Variants in SH3PXD2B observed in about 807,000 individuals in gnomAD.
SH3PXD2B encodes SH3 and PX domains 2B, also known as SH3 and PX domain-containing protein 2B.
A neutral mutation model predicts 73.1 loss-of-function variants in SH3PXD2B; 37 were observed. That is an observed-to-expected ratio of 0.51 (90% CI 0.39 to 0.67). The LOEUF (loss-of-function observed/expected upper bound fraction) is 0.67, where lower values mean the gene tolerates loss of function less well. SH3PXD2B is among the 30% of genes least tolerant of loss of function. The pLI is 0.00. For missense variants in SH3PXD2B, 1,053 were observed against 1,197.8 expected (o/e 0.88, Z 1.78); for synonymous variants, 457 against 480.5 (o/e 0.95, Z 0.64).
intron 12 of SH3PXD2B, among the ~76,000 whole-genome samples, chr5:172,325,648 A>G (rs1018948885): frequency 3.9e-5 from 6 of 152,074 alleles, no homozygotes; most frequent in African/African-American, 1.4e-4. Flanking sequence ...CTGGCAGGGC[A>G]GAAGAGCAGC....
intron 3 of SH3PXD2B, among the ~76,000 whole-genome samples, chr5:172,402,648 T>C (rs952269455): frequency 2.6e-5 from 4 of 152,098 alleles, no homozygotes; most frequent in Non-Finnish European, 5.9e-5. Context: ...AGGACCCACA[T>C]TGAATTATCG....
Position 172,396,188 on chromosome 5 carries a change from A to G in SH3PXD2B, c.233-1549T>C, listed in dbSNP as rs560326176. 5.1e-5 allele frequency among the ~76,000 whole-genome samples: 6 copies of G among 116,614 alleles called. No homozygotes were observed. In the East Asian group the frequency reaches 1.6e-3, roughly 30 times the overall value. 76.5% of individuals were successfully genotyped at this position (116,614 alleles called of 152,430 possible). On this transcript the variant is annotated intron_variant, in intron 3 of 12. Transcript: ENST00000311601. ...GCCAACATGGCAAAACTCTGTCTCT[A>G]CTAAAAATACAAAAAAAAAAAAAAA...
In SH3PXD2B at chr5:172,445,490, G is replaced by T. The variant is rs554572209; in HGVS notation, c.75+8788C>A. Reference sequence around the variant, plus strand: ...CTCCCAAGATGCTGGGATTACAGGCGTGAACTCCCATGCCCAGCCCTTATA... The same window carrying T: ...CTCCCAAGATGCTGGGATTACAGGCTTGAACTCCCATGCCCAGCCCTTATA... On this transcript the variant is annotated intron_variant, in intron 1 of 12. Transcript: ENST00000311601. This position sits in a 1 kb window ranked among gnomAD's most constrained non-coding sequence, Gnocchi z 5.2. Among the ~76,000 whole-genome samples the T allele has an allele frequency of 6.6e-6, 1 of 152,168 alleles. No individual in the cohort carries two copies. The highest frequency in any genetic ancestry group is 2.4e-5 in the African/African-American group (1 of 41,434).
intron 1 of SH3PXD2B, among the ~76,000 whole-genome samples, chr5:172,442,892 G>A (rs1009467613): frequency 5.3e-5 from 8 of 152,156 alleles, no homozygotes; most frequent in African/African-American, 1.7e-4. Flanking sequence ...ACATGGCAGA[G>A]CCAGGTCCAG....
intron 2 of SH3PXD2B, among the ~76,000 whole-genome samples, chr5:172,419,933 ACACT>A (rs1354964874): frequency 6.6e-6 from 1 of 152,190 alleles, no homozygotes; most frequent in Non-Finnish European, 1.5e-5. Context: ...TGTTTACCTA[ACACT>A]CACTCTTTGA....
chr5:172,453,972 G>A (rs1173107982), intron 1 of SH3PXD2B, among the ~76,000 whole-genome samples: 2 of 152,120 alleles, frequency 1.3e-5, no homozygotes, highest in African/African-American at 2.4e-5. Context: ...TTCCACAGAT[G>A]AGCAGGACGG....
intron 5 of SH3PXD2B, 124 bp downstream of exon 5, chr5:172,381,908 TGCGG>T: frequency 1.5e-6 from 1 of 664,108 alleles, no homozygotes. Context: ...CTAAGTGAAG[TGCGG>T]TCTCACAGGG....
chr5:172,440,988 C>T (rs962510551), intron 1 of SH3PXD2B, among the ~76,000 whole-genome samples: 1 of 152,168 alleles, frequency 6.6e-6, no homozygotes, highest in African/African-American at 2.4e-5. Flanking sequence ...TAACCCCCTT[C>T]CACGTAAGCA....
At chr5:172,377,725 T>C (rs1757847944) in intron 5 of SH3PXD2B, among the ~76,000 whole-genome samples, 1 of 152,192 alleles carries the variant, frequency 6.6e-6, no homozygotes, top group Admixed American at 6.5e-5. Context: ...CAGATACATA[T>C]ACTCCAGCAT....
intron 5 of SH3PXD2B, among the ~76,000 whole-genome samples, chr5:172,380,968 T>G (rs1031887104): frequency 6.6e-6 from 1 of 152,220 alleles, no homozygotes; most frequent in Non-Finnish European, 1.5e-5. Context: ...GAGGTCGCTG[T>G]GTGTGTGTAT....
At chr5:172,371,439 A>C (rs1170803550) in intron 6 of SH3PXD2B, among the ~76,000 whole-genome samples, 2 of 152,224 alleles carry the variant, frequency 1.3e-5, no homozygotes, top group Non-Finnish European at 2.9e-5. Context: ...GCCTTCTCCA[A>C]AGCAGAGTTT....
chr5:172,340,312 CAG>C (rs1756823233), intron 12 of SH3PXD2B, among the ~76,000 whole-genome samples: 3 of 152,244 alleles, frequency 2.0e-5, no homozygotes, highest in Non-Finnish European at 2.9e-5. Flanking sequence ...ACCACAAAGA[CAG>C]TGCCTCAGAA....
intron 4 of SH3PXD2B, 53 bp downstream of exon 4, chr5:172,394,510 A>C (rs1758252171): frequency 6.3e-7 from 1 of 1,589,184 alleles, no homozygotes. Context: ...GAAAAAGAAA[A>C]GAAAACAGAA....
intron 4 of SH3PXD2B, among the ~76,000 whole-genome samples, chr5:172,391,826 T>A (rs923372257): frequency 3.3e-4 from 50 of 152,200 alleles, no homozygotes; most frequent in Admixed American, 2.2e-3. Flanking sequence ...TAAATTAAAT[T>A]CAATTTTTAT....
chr5:172,432,740 C>T (rs780593079), intron 1 of SH3PXD2B, among the ~76,000 whole-genome samples: 23 of 152,132 alleles, frequency 1.5e-4, no homozygotes, highest in Non-Finnish European at 2.9e-4. Flanking sequence ...GGTGAACCTC[C>T]GTTTCTACTA....
intron 1 of SH3PXD2B, among the ~76,000 whole-genome samples, chr5:172,449,510 C>A (rs1759746297): frequency 6.6e-6 from 1 of 152,214 alleles, no homozygotes; most frequent in Non-Finnish European, 1.5e-5. Flanking sequence ...GGATTAGTAT[C>A]CCAAATGTAT....
At chr5:172,379,518 T>C (rs1265892221) in intron 5 of SH3PXD2B, among the ~76,000 whole-genome samples, 2 of 152,146 alleles carry the variant, frequency 1.3e-5, no homozygotes, top group Non-Finnish European at 2.9e-5. Flanking sequence ...ATTTTTGTCA[T>C]AGCAGGTGGA....
At chr5:172,384,835 C>T (rs968880908) in intron 4 of SH3PXD2B, among the ~76,000 whole-genome samples, 26 of 152,282 alleles carry the variant, frequency 1.7e-4, no homozygotes, top group African/African-American at 5.5e-4. Context: ...CAATCTGCTC[C>T]AGACTCAAAA....
intron 4 of SH3PXD2B, among the ~76,000 whole-genome samples, chr5:172,392,825 C>CT (rs1407455267): frequency 3.3e-5 from 5 of 152,108 alleles, no homozygotes; most frequent in African/African-American, 4.8e-5. Context: ...AAAAACTATC[C>CT]TTTTGCCAGT....
Sources: allele counts gnomAD v4.1 joint callset (sites outside exome capture counted in the v4.1 genomes callset), GRCh38; gene constraint gnomAD v4.1.1; non-coding constraint Gnocchi (gnomAD v3.1); transcripts MANE v1.5; gene names NCBI Gene and HGNC (gene_info 2026-07-23, HGNC 2026-07-21).